Variants in CCDC91 observed in about 807,000 individuals in gnomAD.
CCDC91 encodes coiled-coil domain containing 91.
CCDC91 carries 48 observed loss-of-function variants against 63.2 expected under a neutral mutation model. The observed-to-expected ratio is 0.76, with a 90% CI of 0.60 to 0.97. CCDC91 has a LOEUF of 0.97. CCDC91 is among the 50% of genes least tolerant of loss of function. The probability of loss-of-function intolerance (pLI) is 0.00; values close to 1 mark genes in which losing one functional copy is unlikely to be tolerated. For missense variants in CCDC91, 500 were observed against 494.6 expected (o/e 1.01, Z -0.10); for synonymous variants, 167 against 165.8 (o/e 1.01, Z -0.06).
intron 11 of CCDC91, among the ~76,000 whole-genome samples, chr12:28,470,304 A>G (rs768475242): frequency 2.0e-5 from 3 of 152,202 alleles, no homozygotes; most frequent in Admixed American, 6.5e-5. Flanking sequence ...AAAAGAAGAC[A>G]TACAAATGAC....
rs180722684 is a variant in CCDC91 at position 28,540,802 on chromosome 12, A to C, written c.1216-8261A>C. 8.7e-4 allele frequency among the ~76,000 whole-genome samples: 133 copies of C among 152,190 alleles called. 2 individuals are homozygous for C. The highest frequency in any genetic ancestry group is 3.1e-3 in the African/African-American group (128 of 41,554). Reference sequence around the variant, plus strand: ...CTGTCTTGAGTGCTCTCTCACTCTCATGGTGCACTCTTGCTTTCTTTCATA... The same window carrying C: ...CTGTCTTGAGTGCTCTCTCACTCTCCTGGTGCACTCTTGCTTTCTTTCATA... On this transcript the variant is annotated intron_variant, in intron 12 of 12. Transcript: ENST00000536442.
chr12:28,471,863 C>T (rs1164402509), intron 11 of CCDC91, among the ~76,000 whole-genome samples: 3 of 151,824 alleles, frequency 2.0e-5, no homozygotes, highest in Admixed American at 6.6e-5. Flanking sequence ...AATTCTCGTA[C>T]CTCAGCCTCC....
intron 6 of CCDC91, among the ~76,000 whole-genome samples, chr12:28,351,094 A>G (rs747623066): frequency 4.6e-5 from 7 of 152,200 alleles, no homozygotes; most frequent in Non-Finnish European, 7.3e-5. Flanking sequence ...ATGTTCCCAG[A>G]AATCTCAACT....
At chr12:28,512,445 C>A (rs773846862) in intron 12 of CCDC91, among the ~76,000 whole-genome samples, 116 of 151,944 alleles carry the variant, frequency 7.6e-4, no homozygotes, top group Middle Eastern at 3.4e-3. Context: ...TTTACTAAGG[C>A]CAGCTATCTA....
At chr12:28,426,273 C>T (rs1295944518) in intron 8 of CCDC91, among the ~76,000 whole-genome samples, 4 of 152,062 alleles carry the variant, frequency 2.6e-5, no homozygotes, top group Admixed American at 2.6e-4. Flanking sequence ...GAATATAATA[C>T]ATATACTTTA....
chr12:28,378,727 C>T (rs1409594422), intron 7 of CCDC91, among the ~76,000 whole-genome samples: 3 of 151,972 alleles, frequency 2.0e-5, no homozygotes, highest in Non-Finnish European at 4.4e-5. Context: ...TCAGATTTTT[C>T]CTGGACAAAT....
intron 8 of CCDC91, among the ~76,000 whole-genome samples, chr12:28,397,021 C>T (rs1436999226): frequency 6.6e-6 from 1 of 151,896 alleles, no homozygotes; most frequent in African/African-American, 2.4e-5. Flanking sequence ...TGGATGAGAT[C>T]AGAGAATATA....
At chr12:28,276,466 G>A (rs1194607415) in intron 3 of CCDC91, among the ~76,000 whole-genome samples, 3 of 151,938 alleles carry the variant, frequency 2.0e-5, no homozygotes, top group Admixed American at 2.0e-4. Flanking sequence ...TTAATGGGAA[G>A]GATATAAATT....
At position 28,443,242 on chromosome 12, in the gene CCDC91, A is replaced by G. The variant is rs1330746886; in HGVS notation, c.763-6919A>G. On this transcript the variant is annotated intron_variant, in intron 8 of 12. Coordinates refer to ENST00000536442, the MANE Select transcript of CCDC91 (RefSeq NM_018318.5). ...ATCCAGAAAAGGAGTCCTAGGCAAA[A>G]AAAAAAAAAAGAGAGTTAAGCAACA... Among the ~76,000 whole-genome samples, 8 of 151,552 alleles carry G rather than the reference A, an allele frequency of 5.3e-5. No homozygotes were observed. In the South Asian group the frequency reaches 8.3e-4, roughly 16 times the overall value.
chr12:28,506,220 C>T (rs1204419712), intron 12 of CCDC91, among the ~76,000 whole-genome samples: 1 of 151,970 alleles, frequency 6.6e-6, no homozygotes, highest in Non-Finnish European at 1.5e-5. Flanking sequence ...TGATAGGAAG[C>T]TGTATACCAG....
At chr12:28,269,361 G>A (rs1287955542) in intron 3 of CCDC91, among the ~76,000 whole-genome samples, 1 of 151,790 alleles carries the variant, frequency 6.6e-6, no homozygotes, top group East Asian at 1.9e-4. Flanking sequence ...TTCTCTCCTT[G>A]TGATTATCTA....
intron 3 of CCDC91, among the ~76,000 whole-genome samples, chr12:28,295,927 G>A (rs1949536751): frequency 6.6e-6 from 1 of 151,894 alleles, no homozygotes; most frequent in South Asian, 2.1e-4. Flanking sequence ...AAAGAAAAAA[G>A]CCTTTTATTT....
chr12:28,247,188 T>G (rs981107336), intron 1 of CCDC91, among the ~76,000 whole-genome samples: 4 of 152,194 alleles, frequency 2.6e-5, no homozygotes, highest in Non-Finnish European at 5.9e-5. Flanking sequence ...TTGTTAGGAA[T>G]TTTTACTTTG....
intron 12 of CCDC91, among the ~76,000 whole-genome samples, chr12:28,492,697 C>G (rs1036923692): frequency 2.0e-5 from 3 of 151,492 alleles, no homozygotes; most frequent in Non-Finnish European, 1.5e-5. Flanking sequence ...AGGAGGTACT[C>G]AGTAATATAC....
At chr12:28,262,232 G>A (rs1238436946) in intron 3 of CCDC91, among the ~76,000 whole-genome samples, 4 of 151,882 alleles carry the variant, frequency 2.6e-5, no homozygotes, top group Non-Finnish European at 5.9e-5. Flanking sequence ...CCACCTACCT[G>A]TATCTTAGCT....
chr12:28,485,615 A>G (rs1388363154), intron 12 of CCDC91, among the ~76,000 whole-genome samples: 2 of 152,188 alleles, frequency 1.3e-5, no homozygotes, highest in Non-Finnish European at 2.9e-5. Context: ...AACCACTCAC[A>G]GAAACATTTT....
At chr12:28,388,638 C>G (rs867375039) in intron 7 of CCDC91, among the ~76,000 whole-genome samples, 1 of 152,176 alleles carries the variant, frequency 6.6e-6, no homozygotes, top group Non-Finnish European at 1.5e-5. Context: ...ATCCCATGCT[C>G]GTGGAAGGGT....
chr12:28,384,504 C>T (rs1945481913), intron 7 of CCDC91, among the ~76,000 whole-genome samples: 1 of 152,008 alleles, frequency 6.6e-6, no homozygotes, highest in Non-Finnish European at 1.5e-5. Context: ...TACACGTTGT[C>T]CATTAATGGA....
intron 7 of CCDC91, 85 bp downstream of exon 7, chr12:28,362,600 C>A (rs1943975947): frequency 1.4e-6 from 1 of 718,884 alleles, no homozygotes; most frequent in Non-Finnish European, 2.2e-6. Flanking sequence ...CAAACATATA[C>A]AAATTATATG....
Sources: allele counts gnomAD v4.1 joint callset (sites outside exome capture counted in the v4.1 genomes callset), GRCh38; gene constraint gnomAD v4.1.1; transcripts MANE v1.5; gene names NCBI Gene and HGNC (gene_info 2026-07-23, HGNC 2026-07-21).